Variants in DNMT1 observed in about 807,000 individuals in gnomAD.
DNMT1 encodes the protein DNA (cytosine-5)-methyltransferase 1.
Under a neutral mutation model 205.3 loss-of-function variants are expected in DNMT1, and 24 were observed. The ratio of observed to expected loss-of-function variants is 0.12; its 90% CI spans 0.08 to 0.16. The LOEUF is 0.16. Ranked by LOEUF, DNMT1 falls within the 10% of genes least tolerant of loss-of-function variation. DNMT1 has a pLI of 1.00. For synonymous variants in DNMT1, 817 were observed against 839.8 expected (o/e 0.97, Z 0.47); for missense variants, 1,293 against 2,177.7 (o/e 0.59, Z 8.09).
intron 17 of DNMT1, among the ~76,000 whole-genome samples, chr19:10,158,274 T>C (rs1375311785): frequency 1.3e-5 from 2 of 152,226 alleles, no homozygotes; most frequent in East Asian, 3.9e-4. Flanking sequence ...GGCCCTGCTT[T>C]GGGCCAGGCC....
intron 9 of DNMT1, among the ~76,000 whole-genome samples, chr19:10,171,395 G>A (rs991444338): frequency 2.0e-5 from 3 of 152,144 alleles, no homozygotes; most frequent in Admixed American, 6.6e-5. Flanking sequence ...TAGGTTGGCC[G>A]GTGTGGTGGC....
At chr19:10,190,155 C>CT (rs2039271845) in intron 1 of DNMT1, among the ~76,000 whole-genome samples, 1 of 152,132 alleles carries the variant, frequency 6.6e-6, no homozygotes, top group African/African-American at 2.4e-5. Flanking sequence ...AGTTCAAGAC[C>CT]TAGCTTAATC....
At chr19:10,182,646 A>C (rs2039093346) in intron 1 of DNMT1, among the ~76,000 whole-genome samples, 1 of 151,502 alleles carries the variant, frequency 6.6e-6, no homozygotes, top group African/African-American at 2.4e-5. Context: ...ACATATATAC[A>C]TACATACATA....
intron 1 of DNMT1, among the ~76,000 whole-genome samples, chr19:10,190,126 C>G (rs2039271013): frequency 6.6e-6 from 1 of 152,108 alleles, no homozygotes; most frequent in Non-Finnish European, 1.5e-5. Context: ...CAGTAGTAGC[C>G]AAGGAACTGG....
At position 10,146,613 on chromosome 19, in the gene DNMT1, G is replaced by A. The variant is rs2038209930; in HGVS notation, c.2721-89C>T. 11 of 1,543,676 alleles carry A rather than the reference G, an allele frequency of 7.1e-6. No individual in the cohort carries two copies. The highest frequency in any genetic ancestry group is 2.7e-6 in the Non-Finnish European group (3 of 1,131,162). On this transcript the variant is annotated intron_variant, in intron 27 of 40. Coordinates refer to ENST00000359526, the MANE Select transcript of DNMT1 (RefSeq NM_001130823.3). This position sits in a 1 kb window ranked among gnomAD's most constrained non-coding sequence, Gnocchi z 4.4. The stretch of plus-strand genomic sequence containing the variant: ...ACTGCCAGCTTAATCCAGAGACTCT[G>A]GTAACCAAGAGGAAAAAACATTTGC...
intron 5 of DNMT1, 148 bp downstream of exon 5, chr19:10,180,039 C>T (rs1468017775): frequency 3.0e-5 from 11 of 370,024 alleles, no homozygotes; most frequent in East Asian, 1.8e-4. Context: ...CAGGGCCAGG[C>T]GTGGTGGCTT....
rs539350677 is a variant in DNMT1, at chr19:10,136,460, A to G, written c.4490-173T>C. On this transcript the variant is annotated intron_variant, in intron 37 of 40. Coordinates refer to ENST00000359526, the MANE Select transcript of DNMT1 (RefSeq NM_001130823.3). The stretch of plus-strand genomic sequence containing the variant: ...GCACTGTTTTTATTATTAGTATTAT[A>G]TGTCTCGCTCTGTTGCCCAGGCTGG... Among the ~76,000 whole-genome samples, 3 of 152,202 alleles carry G rather than the reference A, an allele frequency of 2.0e-5. No homozygotes were observed. In the South Asian group the frequency reaches 6.2e-4, roughly 32 times the overall value.
intron 19 of DNMT1, 94 bp downstream of exon 19, chr19:10,155,759 G>A (rs2145310999): frequency 1.5e-6 from 2 of 1,353,320 alleles, no homozygotes; most frequent in South Asian, 1.2e-5. Context: ...CAAGCCTGCT[G>A]AGAATTCCCA....
At chr19:10,150,111 C>G in intron 24 of DNMT1, 143 bp from the exon 25 acceptor site, 2 of 765,640 alleles carry the variant, frequency 2.6e-6, no homozygotes, top group Non-Finnish European at 4.5e-6. Flanking sequence ...AAGAGAACAT[C>G]CTGTTCTACA....
At chr19:10,177,417 A>G (rs371302588) in intron 5 of DNMT1, 50 bp from the exon 6 acceptor site, 2 of 1,562,544 alleles carry the variant, frequency 1.3e-6, no homozygotes, top group African/African-American at 1.4e-5. Context: ...GCCACTATCA[A>G]TAGAAAGCCC....
chr19:10,183,353 G>A (rs546302672), intron 1 of DNMT1, among the ~76,000 whole-genome samples: 3 of 152,070 alleles, frequency 2.0e-5, no homozygotes, highest in African/African-American at 4.8e-5. Context: ...GACCTCAGGC[G>A]ATCCACCTGC....
Position 10,191,062 on chromosome 19 carries a change from G to A in DNMT1, c.80+3758C>T, listed in dbSNP as rs569071932. ...CGGGAGGTGGAGGTTGCAGTGAGCC[G>A]AGATCACGGCCACTGCACTCCAGCC... On this transcript the variant is annotated intron_variant, in intron 1 of 40. Coordinates refer to ENST00000359526, the MANE Select transcript of DNMT1 (RefSeq NM_001130823.3). 4.6e-5 allele frequency among the ~76,000 whole-genome samples: 7 copies of A among 150,748 alleles called. No homozygotes were observed. In the East Asian group the frequency reaches 6.0e-4, roughly 13 times the overall value.
chr19:10,169,386 C>CAAAA (rs61170762), intron 9 of DNMT1, among the ~76,000 whole-genome samples: 27 of 80,936 alleles, frequency 3.3e-4, no homozygotes, highest in Admixed American at 6.6e-4. Context: ...ACTAAAAATA[C>CAAAA]AAAAAAAAAA....
chr19:10,179,661 T>TTATA (rs1218422880), intron 5 of DNMT1, among the ~76,000 whole-genome samples: 2 of 152,106 alleles, frequency 1.3e-5, no homozygotes, highest in Admixed American at 6.6e-5. Context: ...AACTGCCCCC[T>TTATA]TATATGCTAC....
At position 10,138,449 on chromosome 19, in the gene DNMT1, T is replaced by G. The variant is rs1164503433; in HGVS notation, c.4105A>C (p.Asn1369His). Residue 1369 changes from asparagine to histidine, a missense_variant, in exon 35 of 41, where the codon AAC becomes CAC. Physicochemically the swap from Asn to His is moderately conservative, Grantham distance 68. Transcript: ENST00000359526. The surrounding 1 kb of genome is among the most constrained non-coding windows in gnomAD (Gnocchi z 4.1). ...ACGGGGGCCACCTACCTGGTTATGTTGCTCACAAACTTCTTGTCATCCACC... is the reference window on the plus strand; with the variant it reads ...ACGGGGGCCACCTACCTGGTTATGTGGCTCACAAACTTCTTGTCATCCACC... Reference protein sequence around the residue: ...VVVDDKKFVSNITRLSSGPFR... With the variant: ...VVVDDKKFVSHITRLSSGPFR... 6.2e-7 allele frequency: 1 copy of G among 1,614,012 alleles called. No individual in the cohort carries two copies. Among genetic ancestry groups the G allele is most frequent in the Non-Finnish European group, 8.5e-7 (1 of 1,180,042 alleles).
intron 22 of DNMT1, among the ~76,000 whole-genome samples, chr19:10,152,271 A>T (rs1009908157): frequency 1.4e-4 from 13 of 92,200 alleles, no homozygotes; most frequent in Admixed American, 3.8e-4. Flanking sequence ...TCAAAAAATT[A>T]AAAAAAAAAA....
At chr19:10,149,830 C>A in intron 25 of DNMT1, 23 bp downstream of exon 25, 1 of 1,613,426 alleles carries the variant, frequency 6.2e-7, no homozygotes, top group South Asian at 1.1e-5. Context: ...ATGCAGAAGT[C>A]AAGCAAAAAG....
In DNMT1 at chr19:10,137,214, C is replaced by T; in HGVS notation, c.4360G>A (p.Asp1454Asn). 11 of 1,610,860 alleles carry T rather than the reference C, an allele frequency of 6.8e-6. No individual in the cohort carries two copies. Among genetic ancestry groups the T allele is most frequent in the Middle Eastern group, 1.7e-4 (1 of 5,818 alleles). Residue 1454 changes from aspartate to asparagine, a missense_variant, in exon 37 of 41, where the codon GAT (aspartate) becomes AAT (asparagine). Asp to Asn is a conservative substitution (Grantham distance 23). Around this residue, in one of 13 missense-constraint regions of DNMT1, gnomAD observed 148 missense variants for 256.1 expected, o/e 0.58. Coordinates refer to ENST00000359526, the MANE Select transcript of DNMT1 (RefSeq NM_001130823.3). This position sits in a 1 kb window ranked among gnomAD's most constrained non-coding sequence, Gnocchi z 6.4. The part of the protein sequence containing the change: ...IPLAPGSDWR[D>N]LPNIEVRLSD... ...AGCCGCACCTCGATGTTGGGCAGAT[C>T]GCGCCAGTCTGACCCTGGGGCCAAG...
At position 10,161,154 on chromosome 19, in the gene DNMT1, A is replaced by G. The variant is rs1043433398; in HGVS notation, c.1009-736T>C. Reference sequence around the variant, plus strand: ...ACCCTGTCTCTACTAAAAATACAAAAATTAGTTGGGCGCGGTGGCGCATGC... The same window carrying G: ...ACCCTGTCTCTACTAAAAATACAAAGATTAGTTGGGCGCGGTGGCGCATGC... On this transcript the variant is annotated intron_variant, in intron 13 of 40. Coordinates refer to ENST00000359526, the MANE Select transcript of DNMT1 (RefSeq NM_001130823.3). Among the ~76,000 whole-genome samples the G allele has an allele frequency of 4.6e-5, 7 of 152,138 alleles. No individual in the cohort carries two copies. In the South Asian group the frequency reaches 1.5e-3, roughly 32 times the overall value.
Sources: gnomAD v4.1 joint callset for allele counts (sites outside exome capture counted in the v4.1 genomes callset) on GRCh38, gnomAD v4.1.1 for gene constraint, gnomAD v4.1.1 regional missense constraint, Gnocchi (gnomAD v3.1) non-coding constraint, MANE v1.5 for transcripts, NCBI Gene and HGNC (gene_info 2026-07-23, HGNC 2026-07-21) for gene names.